DPY19L1: variants seen among roughly 807,000 people sequenced by gnomAD.
The protein encoded by DPY19L1 is dpy-19 like C-mannosyltransferase 1.
DPY19L1 carries 35 observed loss-of-function variants against 96.9 expected under a neutral mutation model. That is an observed-to-expected ratio of 0.36 (90% confidence interval 0.28 to 0.48). DPY19L1 has a LOEUF of 0.48. Among genes scored for constraint, DPY19L1 ranks in the 20% least tolerant of loss-of-function variants. DPY19L1 has a pLI of 0.99. For synonymous variants in DPY19L1, 205 were observed against 252.6 expected, an observed-to-expected ratio of 0.81 and a Z score of 1.79; for missense variants, 521 against 777.9, an observed-to-expected ratio of 0.67 and a Z score of 3.93.
chr7:34,967,075 AGT>A (rs1784626868), intron 9 of DPY19L1, 104 bp from the exon 10 acceptor site: 1 of 785,196 alleles, frequency 1.3e-6, no homozygotes, highest in Non-Finnish European at 1.9e-6. Context: ...CTACACACAG[AGT>A]GAGTTCTTCT....
chr7:35,010,057 G>A (rs1785667099), intron 6 of DPY19L1, among the ~76,000 whole-genome samples: 1 of 151,994 alleles, frequency 6.6e-6, no homozygotes, highest in African/African-American at 2.4e-5. Context: ...AGCAAACCCT[G>A]TCTCTACAAA....
chr7:34,940,677 A>T (rs1212018063), intron 18 of DPY19L1: 1 of 174,506 alleles, frequency 5.7e-6, no homozygotes, highest in Admixed American at 6.4e-5. Context: ...ACATTCAATC[A>T]AGTTCAGGGT....
At chr7:34,977,919 T>C (rs1435202153) in intron 7 of DPY19L1, among the ~76,000 whole-genome samples, 11 of 152,112 alleles carry the variant, frequency 7.2e-5, no homozygotes, top group Non-Finnish European at 1.3e-4. Context: ...AACTTCTATC[T>C]AGTATATAAT....
chr7:34,942,469 T>A, intron 17 of DPY19L1, 146 bp downstream of exon 17: 1 of 690,772 alleles, frequency 1.4e-6, no homozygotes, highest in East Asian at 2.7e-5. Context: ...AATCTGCATA[T>A]AGCATTCTCA....
chr7:34,973,434 G>T, intron 8 of DPY19L1, 80 bp downstream of exon 8: 1 of 781,636 alleles, frequency 1.3e-6, no homozygotes, highest in Non-Finnish European at 1.8e-6. Context: ...ATTTTATTAT[G>T]TTCACTTTAT....
Position 34,980,107 on chromosome 7 carries a change from T to C in DPY19L1, c.823-6502A>G, listed in dbSNP as rs550201074. ...ATGTAAAAATAAATCCAAAACTATA[T>C]AGTCACTTTATTTATGATACAAGGC... On this transcript the variant is annotated intron_variant, in intron 7 of 21. Transcript: ENST00000638088. 1.2e-4 allele frequency among the ~76,000 whole-genome samples: 19 copies of C among 152,132 alleles called. No individual in the cohort carries two copies. The South Asian group carries it at 1.5e-3, about 12-fold the overall frequency.
chr7:35,030,332 C>T (rs1337633829), intron 1 of DPY19L1, among the ~76,000 whole-genome samples: 1 of 152,190 alleles, frequency 6.6e-6, no homozygotes, highest in East Asian at 1.9e-4. Flanking sequence ...TTACAACAAT[C>T]TCCCTAAACT....
At chr7:34,986,985 A>G (rs1164492549) in intron 7 of DPY19L1, among the ~76,000 whole-genome samples, 1 of 151,936 alleles carries the variant, frequency 6.6e-6, no homozygotes, top group Non-Finnish European at 1.5e-5. Context: ...CTTCATAATA[A>G]TTTTTTTAAT....
At chr7:35,027,271 C>T (rs1352498179) in intron 1 of DPY19L1, among the ~76,000 whole-genome samples, 2 of 152,004 alleles carry the variant, frequency 1.3e-5, no homozygotes, top group Non-Finnish European at 2.9e-5. Flanking sequence ...CACTTAACGA[C>T]CTTGAGTAGC....
intron 7 of DPY19L1, among the ~76,000 whole-genome samples, chr7:34,981,463 C>T (rs1015115833): frequency 6.6e-6 from 1 of 152,082 alleles, no homozygotes; most frequent in African/African-American, 2.4e-5. Flanking sequence ...TCAAGTGTCT[C>T]AAAGTATCAT....
rs1176398923 is a variant in DPY19L1, at chr7:34,939,339, C to T, written c.1901G>A (p.Ser634Asn). ...GGGCCGAAGTGCAGAGAGCTTAACACTTGCCATCGTGGGCATGGCACCCGC... is the reference window on the plus strand; with the variant it reads ...GGGCCGAAGTGCAGAGAGCTTAACATTTGCCATCGTGGGCATGGCACCCGC... ...VFAGAMPTMA[S>N]VKLSALRPIV... Residue 634 changes from serine to asparagine, a missense_variant, in exon 20 of 22, where the codon AGT becomes AAT. By Grantham distance (46) the Ser-to-Asn change is conservative (BLOSUM62 1). Coordinates refer to ENST00000638088, the MANE Select transcript of DPY19L1 (RefSeq NM_001366673.1). The T allele has an allele frequency of 6.2e-7, 1 of 1,613,882 alleles. No individual in the cohort carries two copies. Among genetic ancestry groups the T allele is most frequent in the African/African-American group, 1.3e-5 (1 of 74,926 alleles).
chr7:34,972,964 G>A (rs1456885653), intron 8 of DPY19L1, among the ~76,000 whole-genome samples: 42 of 152,182 alleles, frequency 2.8e-4, no homozygotes, highest in Admixed American at 5.2e-4. Context: ...AAGTTCTTCT[G>A]AATTCGGAGG....
At chr7:34,954,598 C>T in intron 13 of DPY19L1, 100 bp downstream of exon 13, 2 of 643,506 alleles carry the variant, frequency 3.1e-6, no homozygotes, top group Non-Finnish European at 5.3e-6. Context: ...AGACTTCATC[C>T]TAGAATTTCA....
At chr7:34,934,271 C>T (rs1562797123) in intron 21 of DPY19L1, among the ~76,000 whole-genome samples, 1 of 152,088 alleles carries the variant, frequency 6.6e-6, no homozygotes, top group East Asian at 1.9e-4. Flanking sequence ...CCACATCTAT[C>T]CTATTAGTTC....
rs747713625 is a variant in DPY19L1 at position 34,989,865 on chromosome 7, A to C, written c.822+19T>G. ...TGCATTTCCAGAAGTAATTCTGAGA[A>C]TAGTTTTTGATTACCTACCTCTCCA... On this transcript the variant is annotated intron_variant, in intron 7 of 21. Transcript: ENST00000638088. 26 of 1,571,706 alleles carry C rather than the reference A, an allele frequency of 1.7e-5. No homozygotes were observed. The South Asian group carries it at 2.6e-4, about 16-fold the overall frequency.
At chr7:34,950,704 A>G (rs999276156) in intron 13 of DPY19L1, among the ~76,000 whole-genome samples, 2 of 152,206 alleles carry the variant, frequency 1.3e-5, no homozygotes, top group African/African-American at 4.8e-5. Flanking sequence ...TCAAAATACT[A>G]TGTCTTGTTG....
chr7:34,961,284 G>T (rs1784496322), intron 10 of DPY19L1, among the ~76,000 whole-genome samples: 1 of 152,144 alleles, frequency 6.6e-6, no homozygotes, highest in Non-Finnish European at 1.5e-5. Flanking sequence ...GTGTGATATT[G>T]GTGAAAGAAG....
At chr7:34,944,643 A>T (rs1784103271) in intron 16 of DPY19L1, among the ~76,000 whole-genome samples, 1 of 152,194 alleles carries the variant, frequency 6.6e-6, no homozygotes. Flanking sequence ...TGTATACTGG[A>T]CCTATTTCCA....
At chr7:35,015,353 G>C (rs1194384415) in intron 3 of DPY19L1, among the ~76,000 whole-genome samples, 1 of 152,300 alleles carries the variant, frequency 6.6e-6, no homozygotes, top group Non-Finnish European at 1.5e-5. Context: ...GAACTTGGCA[G>C]GACTGGTTTC....
Sources: gnomAD v4.1 joint callset for allele counts (sites outside exome capture counted in the v4.1 genomes callset) on GRCh38, gnomAD v4.1.1 for gene constraint, MANE v1.5 for transcripts, NCBI Gene and HGNC (gene_info 2026-07-23, HGNC 2026-07-21) for gene names.